L3MBTL2: variants seen among roughly 807,000 people sequenced by gnomAD.
L3MBTL2 encodes the protein lethal(3)malignant brain tumor-like protein 2.
L3MBTL2 carries 49 observed loss-of-function variants against 86.4 expected under a neutral mutation model. The observed-to-expected ratio is 0.57, with a 90% CI of 0.45 to 0.72. The LOEUF is 0.72. L3MBTL2 is among the 30% of genes least tolerant of loss of function. The probability of loss-of-function intolerance (pLI) is 0.00; values close to 1 mark genes in which losing one functional copy is unlikely to be tolerated. For missense variants in L3MBTL2, 755 were observed against 923.7 expected (o/e 0.82, Z 2.37); for synonymous variants, 336 against 350.6 (o/e 0.96, Z 0.47).
chr22:41,226,755 T>C lies in L3MBTL2; in HGVS notation c.1587+11T>C, dbSNP rs2032211285. The C allele has an allele frequency of 6.2e-7, 1 of 1,605,688 alleles. No individual in the cohort carries two copies. The highest frequency in any genetic ancestry group is 1.1e-5 in the South Asian group (1 of 90,826). ...AGACTCTTTAACATGGTGAGGAGAC[T>C]GAAGTGGAGCAAGGGGCCTGCGGTG... On this transcript the variant is annotated intron_variant, in intron 13 of 16. Transcript: ENST00000216237.
Position 41,225,033 on chromosome 22 carries a change from C to T in L3MBTL2, c.1318C>T (p.Leu440=), listed in dbSNP as rs758825694. Residue 440 remains leucine, a synonymous_variant, in exon 11 of 17, where the codon CTG becomes TTG. Coordinates refer to ENST00000216237, the MANE Select transcript of L3MBTL2 (RefSeq NM_031488.5). The surrounding 1 kb of genome is among the most constrained non-coding windows in gnomAD (Gnocchi z 4.1). Reference sequence around the variant, plus strand: ...GATGAAGCTGGAGGCCATTGACCCCCTGAATCTGGGCAACATCTGCGTGGC... The same window carrying T: ...GATGAAGCTGGAGGCCATTGACCCCTTGAATCTGGGCAACATCTGCGTGGC... ...EGMKLEAIDP[L]NLGNICVATV... 5 of 1,614,000 alleles carry T rather than the reference C, an allele frequency of 3.1e-6. No homozygotes were observed. In the Admixed American group the frequency reaches 5.0e-5, roughly 16 times the overall value.
At chr22:41,221,149 G>T in intron 7 of L3MBTL2, 50 bp from the exon 8 acceptor site, 1 of 1,400,408 alleles carries the variant, frequency 7.1e-7, no homozygotes, top group Middle Eastern at 2.0e-4. Flanking sequence ...GCCCCTGTCA[G>T]TGGAGGTTTG....
In L3MBTL2 at chr22:41,224,696, C is replaced by A; in HGVS notation, c.1175-29C>A. ...GGAGCCGCCTCCAACTCCCTTCTCT[C>A]CCTCATTCCCTATCCATCTCCTCCA... On this transcript the variant is annotated intron_variant, in intron 9 of 16. Transcript: ENST00000216237. This position sits in a 1 kb window ranked among gnomAD's most constrained non-coding sequence, Gnocchi z 4.9. The A allele has an allele frequency of 6.3e-7, 1 of 1,581,508 alleles. No individual in the cohort carries two copies. Among genetic ancestry groups the A allele is most frequent in the Non-Finnish European group, 8.7e-7 (1 of 1,150,366 alleles).
chr22:41,227,004 GTTC>G lies in L3MBTL2; in HGVS notation c.1588-81_1588-79del. Reference sequence around the variant, plus strand: ...TTCCAGTCCCCGCCCCTCCCTGCCAGTTCTTCAAGTGCCTCCGGGCCGGGGCAA... The same window carrying G: ...TTCCAGTCCCCGCCCCTCCCTGCCAGTTCAAGTGCCTCCGGGCCGGGGCAA... On this transcript the variant is annotated intron_variant, in intron 13 of 16. Coordinates refer to ENST00000216237, the MANE Select transcript of L3MBTL2 (RefSeq NM_031488.5). This position sits in a 1 kb window ranked among gnomAD's most constrained non-coding sequence, Gnocchi z 6.0. The G allele has an allele frequency of 8.1e-7, 1 of 1,232,998 alleles. No homozygotes were observed. Among genetic ancestry groups the G allele is most frequent in the South Asian group, 1.4e-5 (1 of 73,600 alleles). The allele number at this position is 1,232,998 out of a possible 1,614,324, so 76.4% of individuals were successfully genotyped here.
At chr22:41,230,076 T>TCCCCCCCCCCC in intron 16 of L3MBTL2, 63 bp from the exon 17 acceptor site, 1 of 912,386 alleles carries the variant, frequency 1.1e-6, no homozygotes, top group Non-Finnish European at 1.7e-6. Context: ...TCCCAGCTCC[T>TCCCCCCCCCCC]CCGCCCCCAC....
chr22:41,205,424 A>G (rs780314300), intron 1 of L3MBTL2, 38 bp downstream of exon 1: 1 of 1,612,746 alleles, frequency 6.2e-7, no homozygotes, highest in Non-Finnish European at 8.5e-7. Flanking sequence ...GGGAAAGGGA[A>G]CTCCGAGAGC....
intron 12 of L3MBTL2, 69 bp downstream of exon 12, chr22:41,226,010 C>T (rs1601533862): frequency 1.3e-6 from 2 of 1,517,994 alleles, no homozygotes; most frequent in Admixed American, 3.7e-5. Context: ...GGCGCGGTGG[C>T]TCCCGCCTGT....
chr22:41,222,357 G>A (rs568814718), intron 8 of L3MBTL2, among the ~76,000 whole-genome samples: 1 of 152,374 alleles, frequency 6.6e-6, no homozygotes, highest in East Asian at 1.9e-4. Flanking sequence ...GCACAGCACA[G>A]GGTAAAGCCC....
rs1476736161 is a variant in L3MBTL2 at position 41,224,085 on chromosome 22, G to C, written c.1008G>C (p.Gln336His). Reference sequence around the variant, plus strand: ...GGCTGGAAGTGGTGGACAAGTCCCAGGTGTCACGCACTCGCATGGCTGTGG... The same window carrying C: ...GGCTGGAAGTGGTGGACAAGTCCCACGTGTCACGCACTCGCATGGCTGTGG... Reference protein sequence around the residue: ...GMRLEVVDKSQVSRTRMAVVD... With the variant: ...GMRLEVVDKSHVSRTRMAVVD... Residue 336 changes from glutamine (Q) to histidine (H), a missense_variant, in exon 9 of 17, where the codon CAG becomes CAC. Coordinates refer to ENST00000216237, the MANE Select transcript of L3MBTL2 (RefSeq NM_031488.5). The surrounding 1 kb of genome is among the most constrained non-coding windows in gnomAD (Gnocchi z 4.9). 3.1e-6 allele frequency: 5 copies of C among 1,614,204 alleles called. No homozygotes were observed. The highest frequency in any genetic ancestry group is 1.1e-5 in the South Asian group (1 of 91,090).
intron 2 of L3MBTL2, among the ~76,000 whole-genome samples, chr22:41,211,374 T>G (rs1473969504): frequency 7.6e-5 from 9 of 117,934 alleles, no homozygotes; most frequent in Non-Finnish European, 1.2e-4. Flanking sequence ...CTAATTTTTG[T>G]ATTTTTTTTT....
intron 3 of L3MBTL2, 159 bp downstream of exon 3, chr22:41,214,185 T>C (rs867947686): frequency 3.0e-6 from 2 of 664,912 alleles, no homozygotes; most frequent in East Asian, 5.4e-5. Context: ...GTAGAATCCA[T>C]TTGTGGAGCT....
At chr22:41,228,708 G>A (rs960173321) in intron 15 of L3MBTL2, among the ~76,000 whole-genome samples, 3 of 152,174 alleles carry the variant, frequency 2.0e-5, no homozygotes, top group Non-Finnish European at 4.4e-5. Context: ...AAATTAGCCA[G>A]GTGTGGTGGC....
chr22:41,220,827 G>A lies in L3MBTL2; in HGVS notation c.812G>A (p.Gly271Asp). 6.2e-7 allele frequency: 1 copy of A among 1,613,974 alleles called. No homozygotes were observed. The highest frequency in any genetic ancestry group is 8.5e-7 in the Non-Finnish European group (1 of 1,179,944). ...GGAACAGTGGATGTCCACCCCATTG[G>A]CTGGTGTGCCATCAACAGCAAGATC... is the stretch of plus-strand genomic sequence containing the variant. ...NLGTVDVHPIGWCAINSKILV... is the reference protein window; with the variant it reads ...NLGTVDVHPIDWCAINSKILV... The change falls in exon 7 of 17, where the codon GGC (glycine) becomes GAC (aspartate). Residue 271 changes from glycine to aspartate, a missense_variant. Around this residue, in one of 3 missense-constraint regions of L3MBTL2, gnomAD observed 634 missense variants for 748.9 expected, o/e 0.85. Coordinates refer to ENST00000216237, the MANE Select transcript of L3MBTL2 (RefSeq NM_031488.5).
In L3MBTL2 at chr22:41,225,811, C is replaced by T; in HGVS notation, c.1374C>T (p.Tyr458=). The change falls in exon 12 of 17, where the codon TAC becomes TAT. Residue 458 remains tyrosine, a synonymous_variant. Transcript: ENST00000216237. The surrounding 1 kb of genome is among the most constrained non-coding windows in gnomAD (Gnocchi z 4.1). ...ATVCKVLLDG[Y]LMICVDGGPS... is the part of the protein sequence containing the mutation. ...CCCCCCAGGTTCTCCTGGATGGATA[C>T]CTGATGATCTGTGTGGACGGGGGGC... 1 of 1,613,376 alleles carries T rather than the reference C, an allele frequency of 6.2e-7. No individual in the cohort carries two copies. The highest frequency in any genetic ancestry group is 8.5e-7 in the Non-Finnish European group (1 of 1,179,468).
Position 41,209,714 on chromosome 22 carries a change from C to T in L3MBTL2, c.43C>T (p.Pro15Ser), listed in dbSNP as rs1218469451. The change falls in exon 2 of 17, where the codon CCA becomes TCA. Residue 15 changes from proline to serine, a missense_variant. Physicochemically the swap from Pro to Ser is moderately conservative, Grantham distance 74. This residue lies in a region of L3MBTL2 where 103 missense variants were observed against 105.2 expected (regional missense o/e 0.98). Transcript: ENST00000216237. ...RSIEETPSSEPMEEEEDDDLE... is the reference protein window; with the variant it reads ...RSIEETPSSESMEEEEDDDLE... ...CCATTAGGAGACCCCATCTTCAGAACCAATGGAGGAAGAGGAAGATGACGA... is the reference window on the plus strand; with the variant it reads ...CCATTAGGAGACCCCATCTTCAGAATCAATGGAGGAAGAGGAAGATGACGA... The T allele has an allele frequency of 1.9e-6, 3 of 1,614,118 alleles. No individual in the cohort carries two copies. Among genetic ancestry groups the T allele is most frequent in the South Asian group, 1.1e-5 (1 of 91,068 alleles).
At position 41,224,638 on chromosome 22, in the gene L3MBTL2, A is replaced by G. The variant is rs1266695901; in HGVS notation, c.1175-87A>G. On this transcript the variant is annotated intron_variant, in intron 9 of 16. Transcript: ENST00000216237. This position sits in a 1 kb window ranked among gnomAD's most constrained non-coding sequence, Gnocchi z 4.9. Reference sequence around the variant, plus strand: ...CTGAGAACACGTGCAGAGCAGCCCCACATTCCCAGGGGAGGCGTGTGGAGA... The same window carrying G: ...CTGAGAACACGTGCAGAGCAGCCCCGCATTCCCAGGGGAGGCGTGTGGAGA... The G allele has an allele frequency of 3.1e-6, 3 of 965,512 alleles. No individual in the cohort carries two copies. The Admixed American group carries it at 5.2e-5, about 17-fold the overall frequency. 59.8% of individuals were successfully genotyped at this position (965,512 alleles called of 1,614,324 possible).
At chr22:41,226,612 A>G (rs760899477) in intron 12 of L3MBTL2, 50 bp from the exon 13 acceptor site, 4 of 1,337,146 alleles carry the variant, frequency 3.0e-6, no homozygotes, top group African/African-American at 1.4e-5. Flanking sequence ...CCTCCTGCCC[A>G]CTTCCTGCTT....
intron 5 of L3MBTL2, chr22:41,217,456 G>T: frequency 2.1e-6 from 1 of 478,958 alleles, no homozygotes. Context: ...CTTGGTGCTA[G>T]CTGATGTCGA....
chr22:41,215,713 C>T (rs572899344), intron 3 of L3MBTL2, among the ~76,000 whole-genome samples: 110 of 150,454 alleles, frequency 7.3e-4, no homozygotes, highest in Middle Eastern at 3.4e-3. Flanking sequence ...GACCCTCTCC[C>T]GAACATTCGC....
Sources: allele counts gnomAD v4.1 joint callset (sites outside exome capture counted in the v4.1 genomes callset), GRCh38; gene constraint gnomAD v4.1.1; regional missense constraint gnomAD v4.1.1; non-coding constraint Gnocchi (gnomAD v3.1); transcripts MANE v1.5; gene names NCBI Gene and HGNC (gene_info 2026-07-23, HGNC 2026-07-21).